The following OLFM1 variants were observed in gnomAD, a reference collection of about 807,000 sequenced individuals.
The protein encoded by OLFM1 is noelin.
Under a neutral mutation model 49.7 loss-of-function variants are expected in OLFM1, and 9 were observed. The observed-to-expected ratio is 0.18, with a 90% CI of 0.11 to 0.32. The LOEUF (loss-of-function observed/expected upper bound fraction) is 0.32. OLFM1 is among the 10% of genes least tolerant of loss of function. OLFM1 has a pLI of 1.00. For synonymous variants in OLFM1, 240 were observed against 271.8 expected (o/e 0.88, Z 1.15); for missense variants, 369 against 661.8 (o/e 0.56, Z 4.85).
chr9:135,097,019 G>T (rs1279859792), intron 3 of OLFM1, among the ~76,000 whole-genome samples: 1 of 152,174 alleles, frequency 6.6e-6, no homozygotes, highest in Non-Finnish European at 1.5e-5. Context: ...AGGTATACAT[G>T]CATTTTAATT....
chr9:135,077,942 G>A (rs1213077454), intron 1 of OLFM1, among the ~76,000 whole-genome samples: 1 of 152,222 alleles, frequency 6.6e-6, no homozygotes, highest in African/African-American at 2.4e-5. Flanking sequence ...CCGAGAGCCT[G>A]GCTACCCTAG....
intron 1 of OLFM1, chr9:135,076,172 G>T: frequency 6.5e-7 from 1 of 1,550,346 alleles, no homozygotes; most frequent in Non-Finnish European, 8.7e-7. Flanking sequence ...AAGACCCCAG[G>T]CATTTTCAGA....
intron 2 of OLFM1, among the ~76,000 whole-genome samples, chr9:135,090,824 T>A (rs1830675952): frequency 6.6e-6 from 1 of 152,244 alleles, no homozygotes. Flanking sequence ...AGATCTTTTT[T>A]CTGCCCTTGA....
At chr9:135,077,676 CCT>C (rs1390775855) in intron 1 of OLFM1, among the ~76,000 whole-genome samples, 2 of 152,198 alleles carry the variant, frequency 1.3e-5, no homozygotes, top group Non-Finnish European at 2.9e-5. Flanking sequence ...CTGGCATGTT[CCT>C]CTCTCTGAAG....
chr9:135,120,216 C>G lies in OLFM1; in HGVS notation c.*38C>G, dbSNP rs1158039886. On this transcript the variant is annotated 3_prime_UTR_variant, in exon 6 of 6. Transcript: ENST00000371793. ...GGAAGCCAAGGGCCCACGTCCTCAC[C>G]ACAAAGGGACTCCTGTGAAACTGCT... 6.5e-7 allele frequency: 1 copy of G among 1,528,470 alleles called. No individual in the cohort carries two copies. Among genetic ancestry groups the G allele is most frequent in the South Asian group, 1.3e-5 (1 of 79,594 alleles). 94.7% of individuals were successfully genotyped at this position (1,528,470 alleles called of 1,614,324 possible). A position where few individuals can be genotyped will look rare whatever the true frequency, so the allele number is the denominator to read the frequency against.
rs780719063 is a variant in OLFM1, at chr9:135,080,701, A to G, written c.96+4899A>G. ...AAAGTTATCAGGCCCTGTAATCAGT[A>G]TTAACATCACCGTGTAAAGTAATAC... is the stretch of plus-strand genomic sequence containing the variant. On this transcript the variant is annotated intron_variant, in intron 1 of 5. Coordinates refer to the OLFM1 transcript ENST00000252854. This position sits in a 1 kb window ranked among gnomAD's most constrained non-coding sequence, Gnocchi z 4.5. 6.6e-6 allele frequency among the ~76,000 whole-genome samples: 1 copy of G among 152,222 alleles called. No homozygotes were observed. Among genetic ancestry groups the G allele is most frequent in the Non-Finnish European group, 1.5e-5 (1 of 68,032 alleles).
chr9:135,085,057 G>A (rs1830580601), upstream of OLFM1, among the ~76,000 whole-genome samples: 1 of 152,218 alleles, frequency 6.6e-6, no homozygotes, highest in Non-Finnish European at 1.5e-5. Context: ...TGCAGAGGGG[G>A]TGTGCTTGTT....
chr9:135,101,324 T>A (rs1400337249), intron 4 of OLFM1, among the ~76,000 whole-genome samples: 1 of 152,178 alleles, frequency 6.6e-6, no homozygotes, highest in Non-Finnish European at 1.5e-5. Flanking sequence ...TTCCATGGTC[T>A]AGTGAACAGG....
rs142857892 is a variant in OLFM1 at position 135,113,421 on chromosome 9, C to T, written c.784-6083C>T. 6.6e-6 allele frequency among the ~76,000 whole-genome samples: 1 copy of T among 152,234 alleles called. No individual in the cohort carries two copies. The highest frequency in any genetic ancestry group is 1.9e-4 in the East Asian group (1 of 5,174). ...AGAACCACCAAGCCCACTCGAGTCC[C>T]GGGCTAAGGACATAAATGATGATAG... On this transcript the variant is annotated intron_variant, in intron 5 of 5. Coordinates refer to ENST00000371793, the MANE Select transcript of OLFM1 (RefSeq NM_001282611.2). This position sits in a 1 kb window ranked among gnomAD's most constrained non-coding sequence, Gnocchi z 4.0.
intron 4 of OLFM1, among the ~76,000 whole-genome samples, chr9:135,099,974 T>C (rs1830848700): frequency 6.6e-6 from 1 of 152,208 alleles, no homozygotes; most frequent in Non-Finnish European, 1.5e-5. Context: ...GGTACTGTCT[T>C]CGGCTTGCTA....
chr9:135,087,551 G>A, upstream of OLFM1: 2 of 1,200,604 alleles, frequency 1.7e-6, no homozygotes, highest in Non-Finnish European at 2.2e-6. Flanking sequence ...GCCAGGGGGC[G>A]GCGGGGAGCC....
intron 5 of OLFM1, among the ~76,000 whole-genome samples, chr9:135,111,387 T>A (rs1831020393): frequency 3.3e-5 from 5 of 152,176 alleles, no homozygotes; most frequent in Admixed American, 3.3e-4. Flanking sequence ...GCTCGCCGTC[T>A]GGCCGCAGGC....
In OLFM1 at chr9:135,098,516, T is replaced by G; in HGVS notation, c.676+11T>G. On this transcript the variant is annotated intron_variant, in intron 4 of 5. Coordinates refer to ENST00000371793, the MANE Select transcript of OLFM1 (RefSeq NM_001282611.2). The surrounding 1 kb of genome is among the most constrained non-coding windows in gnomAD (Gnocchi z 5.6). ...GCATGCAAAAACTAGGTAGGCCCAG[T>G]ACCCTGCGGGACGTGGCGCTGCACT... The G allele has an allele frequency of 6.2e-7, 1 of 1,606,824 alleles. No individual in the cohort carries two copies. The highest frequency in any genetic ancestry group is 8.5e-7 in the Non-Finnish European group (1 of 1,174,164).
intron 4 of OLFM1, among the ~76,000 whole-genome samples, chr9:135,104,108 G>A (rs2119125981): frequency 6.6e-6 from 1 of 152,344 alleles, no homozygotes; most frequent in African/African-American, 2.4e-5. Flanking sequence ...TTCCTTGGCA[G>A]CCCCATGAGA....
At chr9:135,078,374 C>T (rs557321977) in intron 1 of OLFM1, among the ~76,000 whole-genome samples, 1 of 152,334 alleles carries the variant, frequency 6.6e-6, no homozygotes, top group African/African-American at 2.4e-5. Context: ...CTGGATCCTA[C>T]CTGCACTTAA....
chr9:135,107,409 G>A (rs945303408), intron 5 of OLFM1, among the ~76,000 whole-genome samples: 3 of 152,250 alleles, frequency 2.0e-5, no homozygotes, highest in African/African-American at 7.2e-5. Context: ...GAAGAGGAGA[G>A]AGAAACAGGC....
Position 135,087,999 on chromosome 9 carries a change from C to A in OLFM1, c.10C>A (p.Pro4Thr). 6.9e-7 allele frequency: 1 copy of A among 1,451,620 alleles called. No homozygotes were observed. Among genetic ancestry groups the A allele is most frequent in the Non-Finnish European group, 9.1e-7 (1 of 1,093,166 alleles). 89.9% of individuals were successfully genotyped at this position (1,451,620 alleles called of 1,614,324 possible). Residue 4 changes from proline (P) to threonine (T), a missense_variant, in exon 1 of 6, where the codon CCG becomes ACG. Pro to Thr is a conservative substitution (Grantham distance 38). Coordinates refer to ENST00000371793, the MANE Select transcript of OLFM1 (RefSeq NM_001282611.2). ...GGCAGCTCGAGGCGCGATGTCGGTGCCGCTGCTCAAGATCGGGGTCGTGCT... is the reference window on the plus strand; with the variant it reads ...GGCAGCTCGAGGCGCGATGTCGGTGACGCTGCTCAAGATCGGGGTCGTGCT... MSV[P>T]LLKIGVVLST... is the part of the protein sequence containing the mutation.
At chr9:135,097,889 A>G in intron 3 of OLFM1, 1 of 1,581,656 alleles carries the variant, frequency 6.3e-7, no homozygotes, top group Non-Finnish European at 8.6e-7. Flanking sequence ...CATTTTTACT[A>G]TTATTTTCCA....
Position 135,119,581 on chromosome 9 carries a change from C to T in OLFM1, c.861C>T (p.Asp287=), listed in dbSNP as rs1225093253. Residue 287 remains aspartate (D), a synonymous_variant, in exon 6 of 6, where the codon GAC becomes GAT. Transcript: ENST00000371793. The part of the protein sequence containing the change: ...YKSMVDFMNT[D]NFTSHRLPHP... The stretch of plus-strand genomic sequence containing the variant: ...CCATGGTTGACTTCATGAACACGGA[C>T]AATTTCACCTCCCACCGTCTCCCCC... 2 of 1,614,138 alleles carry T rather than the reference C, an allele frequency of 1.2e-6. No individual in the cohort carries two copies. Among genetic ancestry groups the T allele is most frequent in the Non-Finnish European group, 1.7e-6 (2 of 1,180,036 alleles).
Sources: gnomAD v4.1 joint callset for allele counts (sites outside exome capture counted in the v4.1 genomes callset) on GRCh38, gnomAD v4.1.1 for gene constraint, Gnocchi (gnomAD v3.1) non-coding constraint, MANE v1.5 for transcripts, NCBI Gene and HGNC (gene_info 2026-07-23, HGNC 2026-07-21) for gene names.